Variants in MGA observed in about 807,000 individuals in gnomAD.
The protein encoded by MGA is MAX gene-associated protein.
In MGA, 40 loss-of-function variants were observed where a neutral mutation model predicts 261.1. The ratio of observed to expected loss-of-function variants is 0.15; its 90% CI spans 0.12 to 0.20. The LOEUF is 0.20. Among genes scored for constraint, MGA ranks in the 10% least tolerant of loss-of-function variants. MGA has a pLI of 1.00. For missense variants in MGA, 3,397 were observed against 3,630.5 expected (o/e 0.94, Z 1.65); for synonymous variants, 1,302 against 1,290.6 (o/e 1.01, Z -0.19).
At chr15:41,672,046 C>A (rs1008027389) in intron 2 of MGA, among the ~76,000 whole-genome samples, 1 of 152,172 alleles carries the variant, frequency 6.6e-6, no homozygotes, top group Non-Finnish European at 1.5e-5. Context: ...TATATTTTTA[C>A]CCTTGTTATC....
At chr15:41,663,954 A>T (rs1352630866) in intron 1 of MGA, among the ~76,000 whole-genome samples, 3 of 152,208 alleles carry the variant, frequency 2.0e-5, no homozygotes, top group Non-Finnish European at 4.4e-5. Context: ...CTCCAAACCT[A>T]GGCATATGCT....
At chr15:41,739,246 T>C (rs537951142) in intron 13 of MGA, among the ~76,000 whole-genome samples, 1 of 152,346 alleles carries the variant, frequency 6.6e-6, no homozygotes, top group South Asian at 2.1e-4. Context: ...TGGTTCACTT[T>C]CTTCTGACTA....
intron 1 of MGA, among the ~76,000 whole-genome samples, chr15:41,625,193 A>G (rs1441901512): frequency 2.0e-5 from 3 of 152,242 alleles, no homozygotes; most frequent in East Asian, 1.9e-4. Flanking sequence ...AGGCAAATCC[A>G]TAAAGACAAA....
chr15:41,696,555 C>A lies in MGA; in HGVS notation c.1545C>A (p.Ser515=), dbSNP rs367758929. The change falls in exon 3 of 24, where the codon TCC becomes TCA. Residue 515 remains serine (S), a synonymous_variant. Coordinates refer to ENST00000219905, the MANE Select transcript of MGA (RefSeq NM_001164273.2). ...ATTTGCCTACATACATTGAAAATTC[C>A]AATGAGACTGCCTTCTGCTTAGGCA... The A allele has an allele frequency of 5.6e-6, 9 of 1,613,942 alleles. No homozygotes were observed. The Admixed American group carries it at 1.0e-4, about 18-fold the overall frequency.
chr15:41,748,800 T>C lies in MGA; in HGVS notation c.5376T>C (p.Val1792=), dbSNP rs1482954691. The C allele has an allele frequency of 1.2e-6, 2 of 1,613,820 alleles. No individual in the cohort carries two copies. Among genetic ancestry groups the C allele is most frequent in the Non-Finnish European group, 1.7e-6 (2 of 1,179,892 alleles). The change falls in exon 16 of 24, where the codon GTT becomes GTC. Residue 1792 remains valine, a synonymous_variant. Coordinates refer to ENST00000219905, the MANE Select transcript of MGA (RefSeq NM_001164273.2). ...GACATCGGATGGTCTTGCAGCCTGTTAGGAGTCCAAGTGGAATGAACTTAT... is the reference window on the plus strand; with the variant it reads ...GACATCGGATGGTCTTGCAGCCTGTCAGGAGTCCAAGTGGAATGAACTTAT...
intron 1 of MGA, among the ~76,000 whole-genome samples, chr15:41,666,682 A>G (rs1002074830): frequency 1.3e-5 from 2 of 152,226 alleles, no homozygotes; most frequent in African/African-American, 4.8e-5. Context: ...TTTTGCATGC[A>G]TTCATTAAGC....
At chr15:41,743,756 G>A (rs1418502143) in intron 15 of MGA, among the ~76,000 whole-genome samples, 1 of 152,194 alleles carries the variant, frequency 6.6e-6, no homozygotes, top group Non-Finnish European at 1.5e-5. Context: ...TAATGAATCA[G>A]CACCTATTTA....
At chr15:41,687,931 T>C (rs185554210) in intron 2 of MGA, among the ~76,000 whole-genome samples, 2 of 152,314 alleles carry the variant, frequency 1.3e-5, no homozygotes, top group Admixed American at 1.3e-4. Context: ...TTTGTGGATT[T>C]GTCTGTTTCT....
At position 41,694,355 on chromosome 15, in the gene MGA, G is replaced by A. The variant is rs539517042; in HGVS notation, c.1065-1720G>A. Among the ~76,000 whole-genome samples the A allele has an allele frequency of 9.9e-5, 15 of 152,042 alleles. No individual in the cohort carries two copies. In the East Asian group the frequency reaches 2.9e-3, roughly 30 times the overall value. On this transcript the variant is annotated intron_variant, in intron 2 of 23. Transcript: ENST00000219905. ...TGTTTGAACCTTGGAGGTGGAGGTT[G>A]CCACTGTACTCCAGCCTGGGTGACA...
intron 3 of MGA, 82 bp from the exon 4 acceptor site, chr15:41,698,781 T>G (rs2059679773): frequency 9.1e-7 from 1 of 1,103,036 alleles, no homozygotes; most frequent in African/African-American, 1.6e-5. Flanking sequence ...CTTCTGGTCT[T>G]TAAGTTTTTT....
chr15:41,696,381 A>C lies in MGA; in HGVS notation c.1371A>C (p.Lys457Asn), dbSNP rs536871551. The change falls in exon 3 of 24, where the codon AAA (lysine) becomes AAC (asparagine). Residue 457 changes from lysine (K) to asparagine (N), a missense_variant. By Grantham distance (94) the Lys-to-Asn change is moderately conservative. Coordinates refer to ENST00000219905, the MANE Select transcript of MGA (RefSeq NM_001164273.2). Reference sequence around the variant, plus strand: ...GCCCATCAGGTGTTGCTAAAGCTAAAATGTTCAAATTAGACACTGGAAAGA... The same window carrying C: ...GCCCATCAGGTGTTGCTAAAGCTAACATGTTCAAATTAGACACTGGAAAGA... 1 of 1,613,980 alleles carries C rather than the reference A, an allele frequency of 6.2e-7. No individual in the cohort carries two copies. The highest frequency in any genetic ancestry group is 1.1e-5 in the South Asian group (1 of 91,076).
chr15:41,623,723 G>A (rs2056369013), intron 1 of MGA, among the ~76,000 whole-genome samples: 2 of 143,960 alleles, frequency 1.4e-5, no homozygotes, highest in Non-Finnish European at 3.0e-5. Context: ...GCGAAACTCC[G>A]TCTCCAAAAA....
intron 2 of MGA, among the ~76,000 whole-genome samples, chr15:41,671,040 G>A (rs1184159129): frequency 6.6e-6 from 1 of 152,128 alleles, no homozygotes; most frequent in Non-Finnish European, 1.5e-5. Flanking sequence ...TGCATCCACA[G>A]TTATAGCTGG....
intron 12 of MGA, among the ~76,000 whole-genome samples, chr15:41,734,975 G>A (rs1473473148): frequency 6.6e-6 from 1 of 152,076 alleles, no homozygotes; most frequent in Non-Finnish European, 1.5e-5. Context: ...GAATATTACT[G>A]TGATTTAGCT....
At chr15:41,726,102 A>G (rs1324698957) in intron 9 of MGA, among the ~76,000 whole-genome samples, 1 of 152,212 alleles carries the variant, frequency 6.6e-6, no homozygotes, top group Admixed American at 6.5e-5. Context: ...CTATATTGAT[A>G]TAAGTGTTTT....
intron 9 of MGA, chr15:41,718,671 C>A: frequency 3.8e-6 from 1 of 266,592 alleles, no homozygotes; most frequent in South Asian, 1.5e-4. Context: ...CTGGTGTGTT[C>A]AAGCTCCACC....
chr15:41,644,422 G>GAGGTTGGA (rs2056893384), intron 1 of MGA, among the ~76,000 whole-genome samples: 1 of 151,232 alleles, frequency 6.6e-6, no homozygotes, highest in Non-Finnish European at 1.5e-5. Context: ...TAGGGAGGCC[G>GAGGTTGGA]AGGTTGGAGG....
intron 1 of MGA, among the ~76,000 whole-genome samples, chr15:41,664,820 T>C (rs145108197): frequency 3.2e-4 from 48 of 152,372 alleles, no homozygotes; most frequent in African/African-American, 1.2e-3. Context: ...AGTTTTGTTT[T>C]GTCAGTCTCT....
Position 41,760,515 on chromosome 15 carries a change from C to G in MGA, c.7384C>G (p.Leu2462Val), listed in dbSNP as rs2151994022. 7 of 1,613,902 alleles carry G rather than the reference C, an allele frequency of 4.3e-6. No individual in the cohort carries two copies. Among genetic ancestry groups the G allele is most frequent in the East Asian group, 4.5e-5 (2 of 44,886 alleles). ...TCATTCTTCCAAGGTTTCCAAAAGT[C>G]TCATTCTTACTCGAGTAAGTGTTCT... Residue 2462 changes from leucine (L) to valine (V), a missense_variant, in exon 20 of 24, where the codon CTC becomes GTC. Physicochemically the swap from Leu to Val is conservative, Grantham distance 32 (BLOSUM62 1). Coordinates refer to ENST00000219905, the MANE Select transcript of MGA (RefSeq NM_001164273.2).
Sources: allele counts gnomAD v4.1 joint callset (sites outside exome capture counted in the v4.1 genomes callset), GRCh38; gene constraint gnomAD v4.1.1; transcripts MANE v1.5; gene names NCBI Gene and HGNC (gene_info 2026-07-23, HGNC 2026-07-21).